RIT2: variants seen among roughly 807,000 people sequenced by gnomAD.
The protein encoded by RIT2 is Ras like without CAAX 2, also known as GTP-binding protein Rit2.
In RIT2, 24 loss-of-function variants were observed where a neutral mutation model predicts 23.7. The ratio of observed to expected loss-of-function variants is 1.01; its 90% CI spans 0.73 to 1.43. The LOEUF (loss-of-function observed/expected upper bound fraction) is 1.43. Ranked by LOEUF, RIT2 falls within the 40% of genes most tolerant of loss-of-function variation. The pLI is 0.00. For missense variants in RIT2, 236 were observed against 266.9 expected, an observed-to-expected ratio of 0.88 and a Z score of 0.81; for synonymous variants, 107 against 91.1, an observed-to-expected ratio of 1.17 and a Z score of -0.99.
Position 42,775,880 on chromosome 18 carries a change from C to G in RIT2, c.427-32160G>C, listed in dbSNP as rs1403650618. 4.6e-5 allele frequency among the ~76,000 whole-genome samples: 7 copies of G among 151,364 alleles called. No homozygotes were observed. The South Asian group carries it at 1.0e-3, about 23-fold the overall frequency. On this transcript the variant is annotated intron_variant, in intron 4 of 4. Coordinates refer to ENST00000326695, the MANE Select transcript of RIT2 (RefSeq NM_002930.4). ...ACACATACACACACACACACACACA[C>G]AGAGATGTAAATACACACATACACA... is the stretch of plus-strand genomic sequence containing the variant.
chr18:42,869,563 A>C (rs1907565283), intron 4 of RIT2, among the ~76,000 whole-genome samples: 1 of 152,158 alleles, frequency 6.6e-6, no homozygotes, highest in Admixed American at 6.5e-5. Flanking sequence ...ATCTCGTCAT[A>C]CATTTTTTAT....
intron 4 of RIT2, among the ~76,000 whole-genome samples, chr18:42,908,993 G>T (rs1908696368): frequency 6.6e-6 from 1 of 152,076 alleles, no homozygotes; most frequent in African/African-American, 2.4e-5. Context: ...CAAAGGAAAA[G>T]AAGTCGTTGT....
chr18:43,109,781 T>G (rs1913910007), intron 1 of RIT2, among the ~76,000 whole-genome samples: 1 of 152,102 alleles, frequency 6.6e-6, no homozygotes, highest in African/African-American at 2.4e-5. Context: ...ACTCCCTCCC[T>G]GCTCAATGAC....
chr18:43,020,621 G>A (rs1219964341), intron 2 of RIT2, among the ~76,000 whole-genome samples: 1 of 152,066 alleles, frequency 6.6e-6, no homozygotes, highest in African/African-American at 2.4e-5. Flanking sequence ...TAAGGCTATA[G>A]TCACAAAAAC....
intron 1 of RIT2, among the ~76,000 whole-genome samples, chr18:43,102,988 C>T (rs1913724514): frequency 6.6e-6 from 1 of 152,056 alleles, no homozygotes; most frequent in Non-Finnish European, 1.5e-5. Context: ...TTGTTTGTGA[C>T]TATCTGCCAT....
chr18:42,806,847 T>G (rs891079380), intron 4 of RIT2, among the ~76,000 whole-genome samples: 2 of 152,226 alleles, frequency 1.3e-5, no homozygotes, highest in Non-Finnish European at 2.9e-5. Context: ...AATATTTCTC[T>G]AATAGCTGAG....
intron 4 of RIT2, among the ~76,000 whole-genome samples, chr18:42,903,104 A>G (rs1908520224): frequency 6.6e-6 from 1 of 152,076 alleles, no homozygotes; most frequent in African/African-American, 2.4e-5. Context: ...GCTTTTAAAA[A>G]ATCATCTTGA....
At chr18:42,758,085 CT>C (rs1484043240) in intron 4 of RIT2, among the ~76,000 whole-genome samples, 3 of 151,574 alleles carry the variant, frequency 2.0e-5, no homozygotes. Flanking sequence ...ATAACAGCCC[CT>C]TTGGTTTCAG....
intron 1 of RIT2, among the ~76,000 whole-genome samples, chr18:43,051,894 A>G (rs1323131303): frequency 6.6e-6 from 1 of 152,116 alleles, no homozygotes; most frequent in Admixed American, 6.6e-5. Flanking sequence ...TACTTGTTCA[A>G]GCTAGAGGTT....
At chr18:42,829,282 T>C (rs1906390539) in intron 4 of RIT2, among the ~76,000 whole-genome samples, 2 of 152,212 alleles carry the variant, frequency 1.3e-5, no homozygotes, top group Non-Finnish European at 2.9e-5. Context: ...CATGACTTTT[T>C]CAAACATGAT....
At chr18:42,744,839 C>T (rs1912880301) in intron 4 of RIT2, among the ~76,000 whole-genome samples, 1 of 152,126 alleles carries the variant, frequency 6.6e-6, no homozygotes, top group African/African-American at 2.4e-5. Context: ...CTCCCTCTAG[C>T]CAAGTATTCC....
chr18:42,778,501 A>G (rs1263280225), intron 4 of RIT2, among the ~76,000 whole-genome samples: 1 of 152,218 alleles, frequency 6.6e-6, no homozygotes, highest in Admixed American at 6.5e-5. Context: ...AGAAAGACCA[A>G]TACATTTTCC....
chr18:42,881,583 T>C (rs1201576396), intron 4 of RIT2, among the ~76,000 whole-genome samples: 1 of 152,202 alleles, frequency 6.6e-6, no homozygotes, highest in Non-Finnish European at 1.5e-5. Context: ...TTGTAGCAAA[T>C]GACTTGAGAT....
At chr18:43,087,998 G>C (rs1450630307) in intron 1 of RIT2, among the ~76,000 whole-genome samples, 1 of 152,044 alleles carries the variant, frequency 6.6e-6, no homozygotes, top group Admixed American at 6.6e-5. Flanking sequence ...CTAGTGTATG[G>C]ACACAATTAC....
At chr18:43,020,484 TAAAACAAAAC>T (rs771268336) in intron 2 of RIT2, among the ~76,000 whole-genome samples, 2 of 151,630 alleles carry the variant, frequency 1.3e-5, no homozygotes, top group African/African-American at 4.8e-5. Context: ...AGACTCTGTC[TAAAACAAAAC>T]AAAACAAAAC....
rs55751225 is a variant in RIT2 at position 43,105,100 on chromosome 18, C to CTCTGTGTGTGTG, written c.103+10316_103+10317insCACACACACAGA. Among the ~76,000 whole-genome samples the CTCTGTGTGTGTG allele has an allele frequency of 3.4e-4, 48 of 143,064 alleles. 1 individual carries two copies. In the East Asian group the frequency reaches 4.9e-3, roughly 15 times the overall value. The allele number at this position is 143,064 out of a possible 152,430, so 93.9% of individuals were successfully genotyped here. A position where few individuals can be genotyped will look rare whatever the true frequency, so the allele number is the denominator to read the frequency against. On this transcript the variant is annotated intron_variant, in intron 1 of 4. Coordinates refer to ENST00000326695, the MANE Select transcript of RIT2 (RefSeq NM_002930.4). The stretch of plus-strand genomic sequence containing the variant: ...AGTCCTTTCTCTAACAGGCAGTGTG[C>CTCTGTGTGTGTG]TGTGTGTGTGTGTGTGTGTGTGTGT...
chr18:43,045,496 T>A (rs576655944), intron 1 of RIT2, among the ~76,000 whole-genome samples: 54 of 152,270 alleles, frequency 3.5e-4, no homozygotes, highest in African/African-American at 1.3e-3. Context: ...GGCTGAAGGT[T>A]TTACTTTCAT....
intron 1 of RIT2, among the ~76,000 whole-genome samples, chr18:43,097,504 G>A (rs1913581961): frequency 6.6e-6 from 1 of 151,884 alleles, no homozygotes; most frequent in Non-Finnish European, 1.5e-5. Context: ...ATTAAAATAA[G>A]CAGAGAAGAT....
chr18:43,047,892 A>G (rs1912285633), intron 1 of RIT2, among the ~76,000 whole-genome samples: 1 of 152,150 alleles, frequency 6.6e-6, no homozygotes, highest in Non-Finnish European at 1.5e-5. Context: ...GGGGAGTTCT[A>G]CTGTTTAAAC....
Sources: allele counts gnomAD v4.1 joint callset (sites outside exome capture counted in the v4.1 genomes callset), GRCh38; gene constraint gnomAD v4.1.1; transcripts MANE v1.5; gene names NCBI Gene and HGNC (gene_info 2026-07-23, HGNC 2026-07-21).